Variants in FOXP2 observed in about 807,000 individuals in gnomAD.
FOXP2 encodes forkhead box protein P2.
FOXP2 carries 12 observed loss-of-function variants against 115.8 expected under a neutral mutation model. The observed-to-expected ratio is 0.10, with a 90% CI of 0.07 to 0.17. The LOEUF is 0.17. Ranked by LOEUF, FOXP2 falls within the 10% of genes least tolerant of loss-of-function variation. The pLI, the probability that FOXP2 is intolerant of heterozygous loss-of-function variation, is 1.00. For missense variants in FOXP2, 629 were observed against 843.5 expected (o/e 0.75, Z 3.15); for synonymous variants, 328 against 297.7 (o/e 1.10, Z -1.05).
intron 14 of FOXP2, among the ~76,000 whole-genome samples, chr7:114,662,403 A>G (rs913466448): frequency 6.6e-6 from 1 of 151,942 alleles, no homozygotes; most frequent in Non-Finnish European, 1.5e-5. Context: ...TTTGGTTACT[A>G]TTTTCATCAA....
At chr7:114,357,432 A>G (rs1028091656) in intron 2 of FOXP2, among the ~76,000 whole-genome samples, 4 of 152,278 alleles carry the variant, frequency 2.6e-5, no homozygotes, top group African/African-American at 4.8e-5. Flanking sequence ...TATTGGTTCA[A>G]TGATGTCATT....
intron 1 of FOXP2, among the ~76,000 whole-genome samples, chr7:114,100,231 T>G (rs554888379): frequency 1.3e-5 from 2 of 152,286 alleles, no homozygotes; most frequent in South Asian, 2.1e-4. Flanking sequence ...TGAAAAATTT[T>G]CATTTCCTCA....
intron 2 of FOXP2, among the ~76,000 whole-genome samples, chr7:114,291,872 A>G (rs2129176596): frequency 7.1e-6 from 1 of 140,234 alleles, no homozygotes; most frequent in East Asian, 2.0e-4. Context: ...TATAATATAT[A>G]GATAATATAT....
At chr7:114,520,114 C>T (rs1798542582) in intron 2 of FOXP2, among the ~76,000 whole-genome samples, 1 of 152,026 alleles carries the variant, frequency 6.6e-6, no homozygotes, top group African/African-American at 2.4e-5. Flanking sequence ...TACCTAGGTC[C>T]TTATCAATCC....
At chr7:114,171,251 A>T (rs1473069967) in intron 1 of FOXP2, among the ~76,000 whole-genome samples, 1 of 152,142 alleles carries the variant, frequency 6.6e-6, no homozygotes, top group East Asian at 1.9e-4. Context: ...TCAGGAAAAA[A>T]GTTTCTTTCA....
intron 2 of FOXP2, among the ~76,000 whole-genome samples, chr7:114,378,100 G>T (rs1282602995): frequency 6.6e-6 from 1 of 152,042 alleles, no homozygotes; most frequent in Non-Finnish European, 1.5e-5. Flanking sequence ...CATCCTAATT[G>T]TGAATATAAT....
Position 114,628,644 on chromosome 7 carries a change from T to C in FOXP2, c.363T>C (p.Leu121=). 6.2e-7 allele frequency: 1 copy of C among 1,614,030 alleles called. No individual in the cohort carries two copies. The highest frequency in any genetic ancestry group is 8.5e-7 in the Non-Finnish European group (1 of 1,179,970). ...QVLSPQQLQA[L]LQQQQAVMLQ... is the part of the protein sequence containing the mutation. ...TGTCTCCTCAGCAGCTACAAGCCCT[T>C]CTCCAACAACAGCAGGCTGTCATGC... Residue 121 remains leucine, a synonymous_variant, in exon 4 of 17, where the codon CTT becomes CTC. Transcript: ENST00000350908.
At chr7:114,518,170 G>T (rs951419141) in intron 2 of FOXP2, among the ~76,000 whole-genome samples, 12 of 151,906 alleles carry the variant, frequency 7.9e-5, no homozygotes, top group African/African-American at 2.2e-4. Context: ...TACATGTTTT[G>T]TCCACCCCTT....
chr7:114,206,549 C>T (rs1794206759), intron 1 of FOXP2, among the ~76,000 whole-genome samples: 1 of 152,062 alleles, frequency 6.6e-6, no homozygotes, highest in Non-Finnish European at 1.5e-5. Flanking sequence ...TGCAGACCTC[C>T]AGTAGTCTTC....
intron 3 of FOXP2, among the ~76,000 whole-genome samples, chr7:114,590,077 T>A (rs1802368640): frequency 2.0e-5 from 3 of 152,132 alleles, no homozygotes; most frequent in Non-Finnish European, 4.4e-5. Flanking sequence ...ATCTACCATG[T>A]ACATGTTACA....
At chr7:114,466,742 A>G (rs1395517970) in intron 2 of FOXP2, among the ~76,000 whole-genome samples, 1 of 152,218 alleles carries the variant, frequency 6.6e-6, no homozygotes, top group East Asian at 1.9e-4. Context: ...TCGTTGCCAG[A>G]TAATGTCAAT....
At chr7:114,677,172 C>CA (rs538753120) in intron 16 of FOXP2, among the ~76,000 whole-genome samples, 2,149 of 52,834 alleles carry the variant, frequency 0.041, 21 homozygotes, top group East Asian at 0.064. Context: ...TCTCAAAAAA[C>CA]AAAAAAAAAA....
chr7:114,253,839 T>A (rs1795521730), intron 1 of FOXP2, among the ~76,000 whole-genome samples: 1 of 152,250 alleles, frequency 6.6e-6, no homozygotes, highest in Non-Finnish European at 1.5e-5. Context: ...GTCATTATGA[T>A]GTTAGCTGGT....
At chr7:114,145,164 C>A (rs752549192) in intron 1 of FOXP2, among the ~76,000 whole-genome samples, 48 of 151,972 alleles carry the variant, frequency 3.2e-4, no homozygotes, top group Non-Finnish European at 2.6e-4. Flanking sequence ...CTGTACAGTA[C>A]GAATAATAAT....
intron 2 of FOXP2, among the ~76,000 whole-genome samples, chr7:114,525,254 G>A (rs543981752): frequency 2.6e-5 from 4 of 152,232 alleles, no homozygotes; most frequent in African/African-American, 7.2e-5. Context: ...GGAGGAACCC[G>A]AATTCCAAAA....
At chr7:114,138,772 A>T (rs1792119192) in intron 1 of FOXP2, among the ~76,000 whole-genome samples, 1 of 152,148 alleles carries the variant, frequency 6.6e-6, no homozygotes, top group Non-Finnish European at 1.5e-5. Context: ...AGTACTCCTC[A>T]AAACTGTCAA....
rs959185253 is a variant in FOXP2 at position 114,498,957 on chromosome 7, C to T, written c.169-35660C>T. ...ATACTTAACTGATGACCTAGAAGAG[C>T]GATTCTCAAAAGTGTGAGTCCTGGA... On this transcript the variant is annotated intron_variant, in intron 2 of 16. Transcript: ENST00000350908. 1.8e-5 allele frequency: 13 copies of T among 717,260 alleles called. No individual in the cohort carries two copies. In the Admixed American group the frequency reaches 2.0e-4, roughly 11 times the overall value. The allele number at this position is 717,260 out of a possible 1,614,324, so 44.4% of individuals were successfully genotyped here. A position where few individuals can be genotyped will look rare whatever the true frequency, so the allele number is the denominator to read the frequency against.
At chr7:114,516,818 C>A (rs959535401) in intron 2 of FOXP2, among the ~76,000 whole-genome samples, 1 of 152,154 alleles carries the variant, frequency 6.6e-6, no homozygotes, top group East Asian at 1.9e-4. Flanking sequence ...GCCTCTGCCT[C>A]CTGAGTAGTT....
At chr7:114,341,911 A>C (rs888132928) in intron 2 of FOXP2, among the ~76,000 whole-genome samples, 1 of 151,328 alleles carries the variant, frequency 6.6e-6, no homozygotes, top group East Asian at 1.9e-4. Context: ...GCCAAAGTCT[A>C]CTTGATTCTT....
Sources: allele counts gnomAD v4.1 joint callset (sites outside exome capture counted in the v4.1 genomes callset), GRCh38; gene constraint gnomAD v4.1.1; transcripts MANE v1.5; gene names NCBI Gene and HGNC (gene_info 2026-07-23, HGNC 2026-07-21).